Variants in NAALADL2 observed in about 807,000 individuals in gnomAD.
NAALADL2 encodes the protein N-acetylated alpha-linked acidic dipeptidase like 2, also known as inactive N-acetylated-alpha-linked acidic dipeptidase-like protein 2.
Under a neutral mutation model 87.2 loss-of-function variants are expected in NAALADL2, and 76 were observed. That is an observed-to-expected ratio of 0.87 (90% CI 0.72 to 1.05). The LOEUF is 1.05. Ranked by LOEUF, NAALADL2 falls within the 50% of genes least tolerant of loss-of-function variation. The probability of loss-of-function intolerance (pLI) is 0.00; values close to 1 mark genes in which losing one functional copy is unlikely to be tolerated. For missense variants in NAALADL2, 1,089 were observed against 945.8 expected (o/e 1.15, Z -1.99); for synonymous variants, 354 against 331.0 (o/e 1.07, Z -0.75).
chr3:175,507,327 G>A (rs773236371), intron 9 of NAALADL2, among the ~76,000 whole-genome samples: 10 of 152,078 alleles, frequency 6.6e-5, no homozygotes, highest in Non-Finnish European at 1.2e-4. Context: ...AAAGGTCAGT[G>A]GGGACATTTT....
At chr3:174,711,483 A>G (rs956255161) in intron 2 of NAALADL2, among the ~76,000 whole-genome samples, 29 of 152,322 alleles carry the variant, frequency 1.9e-4, no homozygotes, top group African/African-American at 7.0e-4. Context: ...TAGATTTTCT[A>G]TTTCCAGGAA....
At chr3:175,490,351 G>A (rs1450649728) in intron 9 of NAALADL2, among the ~76,000 whole-genome samples, 3 of 151,718 alleles carry the variant, frequency 2.0e-5, no homozygotes, top group Admixed American at 6.6e-5. Flanking sequence ...CTTTTTCCTC[G>A]CTTAAAACAT....
chr3:175,109,265 A>G lies in NAALADL2; in HGVS notation c.545+11974A>G, dbSNP rs141482363. ...TGTTCTTAATCAAATTTATATTCCAATTTAAAAGTAACACCTGATAGCCTA... is the reference window on the plus strand; with the variant it reads ...TGTTCTTAATCAAATTTATATTCCAGTTTAAAAGTAACACCTGATAGCCTA... On this transcript the variant is annotated intron_variant, in intron 2 of 13. Transcript: ENST00000454872. Among the ~76,000 whole-genome samples the G allele has an allele frequency of 5.9e-5, 9 of 151,956 alleles. No homozygotes were observed. In the East Asian group the frequency reaches 1.6e-3, roughly 26 times the overall value.
chr3:175,688,168 A>G (rs967862013), intron 11 of NAALADL2, among the ~76,000 whole-genome samples: 8 of 152,144 alleles, frequency 5.3e-5, no homozygotes, highest in Non-Finnish European at 7.3e-5. Flanking sequence ...ATGAAATGAC[A>G]TTATTACAAT....
At chr3:175,409,519 T>A (rs1209957347) in intron 5 of NAALADL2, among the ~76,000 whole-genome samples, 2 of 151,926 alleles carry the variant, frequency 1.3e-5, no homozygotes, top group Non-Finnish European at 2.9e-5. Context: ...CAGGTAGACC[T>A]TATTATAAAT....
At chr3:174,893,310 A>ACCCCC (rs35730234) in intron 1 of NAALADL2, among the ~76,000 whole-genome samples, 2 of 139,372 alleles carry the variant, frequency 1.4e-5, no homozygotes, top group African/African-American at 5.4e-5. Context: ...GAGTACTTCA[A>ACCCCC]CCCCCCCCCG....
At chr3:175,770,984 T>A (rs1297698558) in intron 13 of NAALADL2, among the ~76,000 whole-genome samples, 1 of 152,204 alleles carries the variant, frequency 6.6e-6, no homozygotes, top group Non-Finnish European at 1.5e-5. Flanking sequence ...CATAATGCCA[T>A]CTTTTTTCCT....
rs990751313 is a variant in NAALADL2, at chr3:175,804,391, A to G, written c.*1188A>G. On this transcript the variant is annotated 3_prime_UTR_variant, in exon 14 of 14. Coordinates refer to ENST00000454872, the MANE Select transcript of NAALADL2 (RefSeq NM_207015.3). ...TCGTCTACACTTCAGTTCTTCTCTCATGTGGAAAACTAAGCTTTTTATATT... is the reference window on the plus strand; with the variant it reads ...TCGTCTACACTTCAGTTCTTCTCTCGTGTGGAAAACTAAGCTTTTTATATT... The G allele has an allele frequency of 2.6e-5, 4 of 151,906 alleles. No individual in the cohort carries two copies. The highest frequency in any genetic ancestry group is 2.0e-4 in the Admixed American group (3 of 15,200). 9.4% of individuals were successfully genotyped at this position (151,906 alleles called of 1,614,324 possible).
intron 10 of NAALADL2, among the ~76,000 whole-genome samples, chr3:175,595,887 C>T (rs1722183174): frequency 1.3e-5 from 2 of 151,882 alleles, no homozygotes; most frequent in Admixed American, 1.3e-4. Flanking sequence ...TTAGAAAAAA[C>T]TATGCTAAAA....
intron 5 of NAALADL2, among the ~76,000 whole-genome samples, chr3:175,377,077 C>T (rs897705414): frequency 1.3e-5 from 2 of 152,006 alleles, no homozygotes; most frequent in Non-Finnish European, 2.9e-5. Flanking sequence ...CTTTGGGAGA[C>T]CCAAGCAGGC....
At chr3:175,367,518 G>A (rs371235676) in intron 5 of NAALADL2, among the ~76,000 whole-genome samples, 87 of 152,130 alleles carry the variant, frequency 5.7e-4, no homozygotes, top group South Asian at 4.2e-3. Flanking sequence ...ATTTGTTTGT[G>A]TCCTCTTTTA....
intron 1 of NAALADL2, among the ~76,000 whole-genome samples, chr3:174,878,728 G>C (rs1456658468): frequency 6.6e-6 from 1 of 151,788 alleles, no homozygotes; most frequent in African/African-American, 2.4e-5. Flanking sequence ...GTTTCCTATA[G>C]ACCCCACCCC....
intron 2 of NAALADL2, among the ~76,000 whole-genome samples, chr3:175,152,277 A>C (rs773538814): frequency 1.3e-5 from 2 of 152,314 alleles, no homozygotes; most frequent in Non-Finnish European, 1.5e-5. Context: ...TCATAGATCT[A>C]GTTATTTGCC....
chr3:175,392,157 A>C (rs1769159815), intron 5 of NAALADL2, among the ~76,000 whole-genome samples: 1 of 152,198 alleles, frequency 6.6e-6, no homozygotes, highest in Admixed American at 6.5e-5. Context: ...CTTCTCTGTG[A>C]ATTGATGAAT....
At chr3:174,618,246 A>G (rs1320511407) in intron 2 of NAALADL2, among the ~76,000 whole-genome samples, 2 of 151,768 alleles carry the variant, frequency 1.3e-5, no homozygotes, top group Non-Finnish European at 3.0e-5. Flanking sequence ...AATTTGTTCC[A>G]TAAATTGCTT....
chr3:175,037,274 T>C (rs897501142), intron 1 of NAALADL2, among the ~76,000 whole-genome samples: 2 of 152,142 alleles, frequency 1.3e-5, no homozygotes, highest in African/African-American at 4.8e-5. Flanking sequence ...GAACACCCTT[T>C]GCTGACATGC....
intron 2 of NAALADL2, among the ~76,000 whole-genome samples, chr3:175,206,042 C>A (rs1740788041): frequency 6.6e-6 from 1 of 151,496 alleles, no homozygotes. Context: ...GTGTGGAGAT[C>A]CCTTAAGGAA....
chr3:175,069,911 A>G (rs1316178481), intron 1 of NAALADL2, among the ~76,000 whole-genome samples: 38 of 149,210 alleles, frequency 2.5e-4, no homozygotes, highest in African/African-American at 6.7e-4. Context: ...CTATCGCAAG[A>G]ACAAAAAACC....
intron 13 of NAALADL2, among the ~76,000 whole-genome samples, chr3:175,802,424 T>C (rs1307025957): frequency 6.6e-6 from 1 of 151,852 alleles, no homozygotes. Flanking sequence ...TGATATCTAG[T>C]GTGTGGAGGC....
Sources: gnomAD v4.1 joint callset for allele counts (sites outside exome capture counted in the v4.1 genomes callset) on GRCh38, gnomAD v4.1.1 for gene constraint, MANE v1.5 for transcripts, NCBI Gene and HGNC (gene_info 2026-07-23, HGNC 2026-07-21) for gene names.